Variants in SCAP observed in about 807,000 individuals in gnomAD.
SCAP encodes sterol regulatory element-binding protein cleavage-activating protein.
SCAP carries 65 observed loss-of-function variants against 123.6 expected under a neutral mutation model. The ratio of observed to expected loss-of-function variants is 0.53; its 90% CI spans 0.43 to 0.65. SCAP has a LOEUF of 0.65. Among genes scored for constraint, SCAP ranks in the 30% least tolerant of loss-of-function variants. SCAP has a pLI of 0.00. For missense variants in SCAP, 1,398 were observed against 1,712.5 expected (o/e 0.82, Z 3.24); for synonymous variants, 740 against 726.3 (o/e 1.02, Z -0.30).
intron 1 of SCAP, among the ~76,000 whole-genome samples, chr3:47,470,860 T>C (rs1177884626): frequency 6.6e-6 from 1 of 151,956 alleles, no homozygotes; most frequent in African/African-American, 2.4e-5. Context: ...AAGACTCTGT[T>C]TCAAGAAAAA....
chr3:47,466,407 A>G (rs1707832388), intron 1 of SCAP, among the ~76,000 whole-genome samples: 1 of 152,198 alleles, frequency 6.6e-6, no homozygotes, highest in Non-Finnish European at 1.5e-5. Context: ...GAGATGAGTC[A>G]TTCTTGAACC....
intron 1 of SCAP, among the ~76,000 whole-genome samples, chr3:47,454,156 A>G (rs1707323316): frequency 6.6e-6 from 1 of 151,914 alleles, no homozygotes. Context: ...TCACAAGGTC[A>G]GGAGATTGAG....
At chr3:47,424,169 T>C (rs1706025389) in intron 8 of SCAP, 124 bp from the exon 9 acceptor site, 2 of 692,888 alleles carry the variant, frequency 2.9e-6, no homozygotes, top group East Asian at 5.4e-5. Context: ...CCACAGGTGC[T>C]GGGCAGAAAC....
rs930862118 is a variant in SCAP at position 47,421,244 on chromosome 3, T to A, written c.1246-215A>T. 6.8e-6 allele frequency: 4 copies of A among 586,582 alleles called. No individual in the cohort carries two copies. The Admixed American group carries it at 1.2e-4, about 17-fold the overall frequency. The allele number at this position is 586,582 out of a possible 1,614,324, so 36.3% of individuals were successfully genotyped here. ...GGCAGAAGAAACCCTCACACTTTCT[T>A]CAGAAAGGGCTGAAAGGGAAGGGGA... On this transcript the variant is annotated intron_variant, in intron 10 of 22. Transcript: ENST00000265565.
rs901492341 is a variant in SCAP, at chr3:47,413,807, C to T, written c.*47G>A. 6.3e-7 allele frequency: 1 copy of T among 1,592,542 alleles called. No individual in the cohort carries two copies. On this transcript the variant is annotated 3_prime_UTR_variant, in exon 23 of 23. Coordinates refer to ENST00000265565, the MANE Select transcript of SCAP (RefSeq NM_012235.4). Reference sequence around the variant, plus strand: ...CCAAGTCCAGGTTCAGTGCATTGGCCCCCACACAGCACCCCAGCCTCCTGC... The same window carrying T: ...CCAAGTCCAGGTTCAGTGCATTGGCTCCCACACAGCACCCCAGCCTCCTGC...
At chr3:47,414,539 C>T (rs1379795584) in intron 21 of SCAP, 33 bp downstream of exon 21, 1 of 1,612,306 alleles carries the variant, frequency 6.2e-7, no homozygotes, top group Non-Finnish European at 8.5e-7. Flanking sequence ...GCCACAGACT[C>T]TGTACCCCCT....
chr3:47,417,831 G>A lies in SCAP; in HGVS notation c.2448-5C>T. The A allele has an allele frequency of 1.9e-6, 3 of 1,550,292 alleles. No homozygotes were observed. Among genetic ancestry groups the A allele is most frequent in the African/African-American group, 1.6e-5 (1 of 61,500 alleles). On this transcript the variant is annotated splice_polypyrimidine_tract_variant and splice_region_variant and intron_variant, in intron 16 of 22. Coordinates refer to ENST00000265565, the MANE Select transcript of SCAP (RefSeq NM_012235.4). ...CCACTGTCCCGGCGCTGCCTGCTGG[G>A]GGCCAGGAGGGCGGAGTGAGAGGGG...
At chr3:47,446,913 T>C (rs558076851) in intron 1 of SCAP, among the ~76,000 whole-genome samples, 1 of 152,258 alleles carries the variant, frequency 6.6e-6, no homozygotes, top group African/African-American at 2.4e-5. Context: ...CATTGCACTC[T>C]AGCCTGGGCA....
At chr3:47,453,695 G>C (rs1157564032) in intron 1 of SCAP, among the ~76,000 whole-genome samples, 1 of 152,022 alleles carries the variant, frequency 6.6e-6, no homozygotes, top group Non-Finnish European at 1.5e-5. Flanking sequence ...GAAGTCCAGA[G>C]GTGTAATACG....
chr3:47,428,883 G>T (rs1222606191), intron 3 of SCAP: 3 of 508,082 alleles, frequency 5.9e-6, no homozygotes, highest in Non-Finnish European at 1.0e-5. Flanking sequence ...TGAGATAAAA[G>T]AACTGGCTGA....
intron 6 of SCAP, among the ~76,000 whole-genome samples, chr3:47,426,855 C>CTCAG: frequency 6.6e-6 from 1 of 152,312 alleles, no homozygotes; most frequent in Middle Eastern, 3.4e-3. Flanking sequence ...ATATAGGGTG[C>CTCAG]TCAGTAGTAA....
chr3:47,417,724 GT>G lies in SCAP; in HGVS notation c.2549del (p.Asp850AlafsTer5). On this transcript the variant is annotated frameshift_variant, in exon 17 of 23. Coordinates refer to ENST00000265565, the MANE Select transcript of SCAP (RefSeq NM_012235.4). LOFTEE classifies it high-confidence loss of function. Reference sequence around the variant, plus strand: ...GGGGGCGGTGTCTCAGGGGAGGGCTGTCCCCAGGCTCCTCTGGACCAGCCTT... The same window carrying G: ...GGGGGCGGTGTCTCAGGGGAGGGCTGCCCCAGGCTCCTCTGGACCAGCCTT... ...GGKAGPEEPG[D>X]SPPLRHRPRG... 4 of 1,608,222 alleles carry G rather than the reference GT, an allele frequency of 2.5e-6. No homozygotes were observed. The highest frequency in any genetic ancestry group is 3.4e-6 in the Non-Finnish European group (4 of 1,178,734).
rs1284859143 is a variant in SCAP at position 47,414,348 on chromosome 3, G to A, written c.3426C>T (p.Ile1142=). ...VLASGGQDGA[I]CLWDVLTGSR... Reference sequence around the variant, plus strand: ...TGCCAGTCAGTACATCCCACAGGCAGATGGCCCCATCTTGTCCTCCACTGG... The same window carrying A: ...TGCCAGTCAGTACATCCCACAGGCAAATGGCCCCATCTTGTCCTCCACTGG... The change falls in exon 22 of 23, where the codon ATC becomes ATT. Residue 1142 remains isoleucine, a synonymous_variant. Transcript: ENST00000265565. The A allele has an allele frequency of 1.2e-6, 2 of 1,613,052 alleles. No homozygotes were observed. The highest frequency in any genetic ancestry group is 1.7e-6 in the Non-Finnish European group (2 of 1,180,024).
chr3:47,434,935 C>G, intron 3 of SCAP, 73 bp downstream of exon 3: 2 of 1,602,740 alleles, frequency 1.2e-6, no homozygotes, highest in Non-Finnish European at 1.7e-6. Context: ...CTCAATCTCA[C>G]TGGCAGACCC....
chr3:47,435,798 C>CA (rs1706556983), intron 2 of SCAP, among the ~76,000 whole-genome samples: 1 of 152,114 alleles, frequency 6.6e-6, no homozygotes, highest in Admixed American at 6.5e-5. Context: ...CCTGTAACCC[C>CA]AGCACTTTGG....
At chr3:47,455,229 GATTC>G (rs1268527206) in intron 1 of SCAP, among the ~76,000 whole-genome samples, 5 of 151,260 alleles carry the variant, frequency 3.3e-5, no homozygotes, top group Admixed American at 6.6e-5. Flanking sequence ...TTATAATAAT[GATTC>G]ATTAACACTA....
rs1465301906 is a variant in SCAP at position 47,451,135 on chromosome 3, G to A, written c.-98-8044C>T. ...CCCAAAGTGTTGGGATTACAGACAT[G>A]AGCCACCGTGCAAGACTATTTTAAA... On this transcript the variant is annotated intron_variant, in intron 1 of 22. Transcript: ENST00000265565. 2.5e-5 allele frequency among the ~76,000 whole-genome samples: 3 copies of A among 121,296 alleles called. 1 individual carries two copies. The highest frequency in any genetic ancestry group is 5.4e-5 in the Non-Finnish European group (3 of 55,154). 79.6% of individuals were successfully genotyped at this position (121,296 alleles called of 152,430 possible).
intron 1 of SCAP, among the ~76,000 whole-genome samples, chr3:47,466,378 G>C (rs1307615487): frequency 6.6e-6 from 1 of 152,056 alleles, no homozygotes; most frequent in African/African-American, 2.4e-5. Flanking sequence ...TATGATACCT[G>C]GGTGTTTCAC....
At chr3:47,459,185 GAC>G in intron 1 of SCAP, among the ~76,000 whole-genome samples, 1 of 152,302 alleles carries the variant, frequency 6.6e-6, no homozygotes, top group South Asian at 2.1e-4. Flanking sequence ...TTGGCCCATG[GAC>G]AGAGTGTCCT....
Sources: allele counts gnomAD v4.1 joint callset (sites outside exome capture counted in the v4.1 genomes callset), GRCh38; gene constraint gnomAD v4.1.1; transcripts MANE v1.5; gene names NCBI Gene and HGNC (gene_info 2026-07-23, HGNC 2026-07-21).